The following TTC3 variants were observed in gnomAD, a reference collection of about 807,000 sequenced individuals.
TTC3 encodes the protein E3 ubiquitin-protein ligase TTC3.
TTC3 carries 180 observed loss-of-function variants against 249.6 expected under a neutral mutation model. The observed-to-expected ratio is 0.72, with a 90% CI of 0.64 to 0.82. The LOEUF is 0.82. Ranked by LOEUF, TTC3 falls within the 40% of genes least tolerant of loss-of-function variation. The probability of loss-of-function intolerance (pLI) is 0.00; values close to 1 mark genes in which losing one functional copy is unlikely to be tolerated. For missense variants in TTC3, 2,061 were observed against 2,398.4 expected, an observed-to-expected ratio of 0.86 and a Z score of 2.94; for synonymous variants, 717 against 805.0, an observed-to-expected ratio of 0.89 and a Z score of 1.85.
rs562155107 is a variant in TTC3 at position 37,154,724 on chromosome 21, G to C, written c.2740+1447G>C. On this transcript the variant is annotated intron_variant, in intron 27 of 45. Coordinates refer to ENST00000355666, the Ensembl canonical transcript of TTC3. Reference sequence around the variant, plus strand: ...TTTGTTTGTTTTTTTGAGACAGAGTGTCGCTCTGTTGCCCAGGCTGGAGTG... The same window carrying C: ...TTTGTTTGTTTTTTTGAGACAGAGTCTCGCTCTGTTGCCCAGGCTGGAGTG... 1.5e-3 allele frequency among the ~76,000 whole-genome samples: 222 copies of C among 152,034 alleles called. 2 individuals carry two copies. Among genetic ancestry groups the C allele is most frequent in the African/African-American group, 4.9e-3 (203 of 41,468 alleles).
At chr21:37,119,467 A>G (rs1280309792) in intron 11 of TTC3, among the ~76,000 whole-genome samples, 1 of 152,076 alleles carries the variant, frequency 6.6e-6, no homozygotes, top group Non-Finnish European at 1.5e-5. Flanking sequence ...TGTGCTGATC[A>G]GTACTTAGCT....
intron 16 of TTC3, among the ~76,000 whole-genome samples, chr21:37,130,178 A>AGT (rs1428169418): frequency 6.6e-6 from 1 of 152,174 alleles, no homozygotes; most frequent in Non-Finnish European, 1.5e-5. Flanking sequence ...AAAAAAAATC[A>AGT]GTGAAGTCTC....
At chr21:37,097,513 C>A (rs756158654) in intron 10 of TTC3, among the ~76,000 whole-genome samples, 6 of 152,174 alleles carry the variant, frequency 3.9e-5, no homozygotes, top group Admixed American at 1.3e-4. Context: ...AGTTATAATT[C>A]ATATTTGCCT....
At chr21:37,108,295 T>C in intron 10 of TTC3, 97 bp from the exon 11 acceptor site, 2 of 936,896 alleles carry the variant, frequency 2.1e-6, no homozygotes, top group Non-Finnish European at 3.1e-6. Context: ...TTTGACTAGA[T>C]AATATACATG....
At chr21:37,184,966 G>A (rs1234501573) in intron 36 of TTC3, among the ~76,000 whole-genome samples, 2 of 152,172 alleles carry the variant, frequency 1.3e-5, no homozygotes, top group Non-Finnish European at 2.9e-5. Context: ...CTCATGATTG[G>A]TACAGTGACA....
intron 30 of TTC3, among the ~76,000 whole-genome samples, chr21:37,161,650 G>A (rs1478640867): frequency 2.0e-5 from 3 of 152,182 alleles, no homozygotes; most frequent in Non-Finnish European, 2.9e-5. Flanking sequence ...AGAGAGAGTA[G>A]CAAATCTTCA....
At chr21:37,163,126 G>C (rs1182603621) in intron 31 of TTC3, among the ~76,000 whole-genome samples, 1 of 152,172 alleles carries the variant, frequency 6.6e-6, no homozygotes, top group African/African-American at 2.4e-5. Flanking sequence ...TGTTTTGGGG[G>C]TTTACATACA....
chr21:37,081,149 T>C (rs919940276), intron 1 of TTC3, among the ~76,000 whole-genome samples: 2 of 136,832 alleles, frequency 1.5e-5, no homozygotes, highest in African/African-American at 5.5e-5. Flanking sequence ...GGTGGAGTCT[T>C]GCTGTGTTGT....
chr21:37,196,060 C>T, intron 42 of TTC3, 24 bp downstream of exon 42: 1 of 1,611,938 alleles, frequency 6.2e-7, no homozygotes, highest in Non-Finnish European at 8.5e-7. Flanking sequence ...ATGTCTGTGA[C>T]TGTGTTTAAT....
intron 11 of TTC3, among the ~76,000 whole-genome samples, chr21:37,120,825 G>GT (rs887585835): frequency 1.3e-5 from 2 of 152,262 alleles, no homozygotes; most frequent in East Asian, 1.9e-4. Context: ...AGCGTTGTTT[G>GT]TTTTTTATAA....
Position 37,172,760 on chromosome 21 carries a change from A to G in TTC3, c.4617+16A>G. 1 of 1,612,790 alleles carries G rather than the reference A, an allele frequency of 6.2e-7. No homozygotes were observed. Among genetic ancestry groups the G allele is most frequent in the Non-Finnish European group, 8.5e-7 (1 of 1,179,414 alleles). ...AGAAAACAAGGTAATCCTGTCTGAAACCTGTCTTTAATTGCATGTAGCATA... is the reference window on the plus strand; with the variant it reads ...AGAAAACAAGGTAATCCTGTCTGAAGCCTGTCTTTAATTGCATGTAGCATA... On this transcript the variant is annotated intron_variant, in intron 35 of 45. Transcript: ENST00000355666.
At chr21:37,185,597 A>G in intron 36 of TTC3, 109 bp from the exon 37 acceptor site, 2 of 506,482 alleles carry the variant, frequency 3.9e-6, no homozygotes, top group Non-Finnish European at 6.7e-6. Context: ...AAATATATAT[A>G]TTAAAAAATC....
intron 10 of TTC3, among the ~76,000 whole-genome samples, chr21:37,104,294 G>A (rs200839023): frequency 2.4e-4 from 37 of 152,114 alleles, no homozygotes; most frequent in African/African-American, 8.0e-4. Context: ...ACACTGAATC[G>A]AAGTGCCTTT....
At chr21:37,110,633 A>G (rs575945899) in intron 11 of TTC3, among the ~76,000 whole-genome samples, 2 of 152,314 alleles carry the variant, frequency 1.3e-5, no homozygotes, top group East Asian at 1.9e-4. Context: ...AAATATCTGT[A>G]GGATATTATC....
chr21:37,157,376 G>A (rs967748158), intron 28 of TTC3, among the ~76,000 whole-genome samples: 3 of 152,130 alleles, frequency 2.0e-5, no homozygotes, highest in Non-Finnish European at 4.4e-5. Flanking sequence ...TCCTTAGTTT[G>A]GTTCATTAAA....
intron 42 of TTC3, among the ~76,000 whole-genome samples, chr21:37,196,934 C>A (rs909774563): frequency 1.3e-5 from 2 of 152,150 alleles, no homozygotes; most frequent in African/African-American, 4.8e-5. Flanking sequence ...TCTTCAGTAG[C>A]GTTTCTGCCT....
chr21:37,092,540 A>G (rs1288922832), intron 7 of TTC3, among the ~76,000 whole-genome samples: 1 of 152,216 alleles, frequency 6.6e-6, no homozygotes, highest in Non-Finnish European at 1.5e-5. Flanking sequence ...TTGTTTTAGC[A>G]GTGAGCACAC....
chr21:37,193,590 T>C (rs947308536), intron 41 of TTC3, among the ~76,000 whole-genome samples: 1 of 152,202 alleles, frequency 6.6e-6, no homozygotes, highest in Non-Finnish European at 1.5e-5. Flanking sequence ...TCCTAGCTTA[T>C]GTTATTTTAT....
At chr21:37,120,112 C>T (rs1436128319) in intron 11 of TTC3, among the ~76,000 whole-genome samples, 1 of 152,188 alleles carries the variant, frequency 6.6e-6, no homozygotes, top group Non-Finnish European at 1.5e-5. Flanking sequence ...AGCACTGGAA[C>T]TGACAGTCCT....
Sources: gnomAD v4.1 joint callset for allele counts (sites outside exome capture counted in the v4.1 genomes callset) on GRCh38, gnomAD v4.1.1 for gene constraint, MANE v1.5 for transcripts, NCBI Gene and HGNC (gene_info 2026-07-23, HGNC 2026-07-21) for gene names.